The following OGDH variants were observed in gnomAD, a reference collection of about 807,000 sequenced individuals.
The protein encoded by OGDH is oxoglutarate dehydrogenase, also known as 2-oxoglutarate dehydrogenase complex component E1.
A neutral mutation model predicts 116.6 loss-of-function variants in OGDH; 38 were observed. The observed-to-expected ratio is 0.33, with a 90% CI of 0.25 to 0.43. The LOEUF is 0.43. Among genes scored for constraint, OGDH ranks in the 20% least tolerant of loss-of-function variants. The pLI, the probability that OGDH is intolerant of heterozygous loss-of-function variation, is 1.00. For synonymous variants in OGDH, 488 were observed against 533.3 expected (o/e 0.92, Z 1.17); for missense variants, 825 against 1,357.2 (o/e 0.61, Z 6.16).
At position 44,654,542 on chromosome 7, in the gene OGDH, A is replaced by C. The variant is rs149517334; in HGVS notation, c.517+6783A>C. Among the ~76,000 whole-genome samples, 4 of 152,344 alleles carry C rather than the reference A, an allele frequency of 2.6e-5. No individual in the cohort carries two copies. The East Asian group carries it at 5.8e-4, about 22-fold the overall frequency. ...TTGTAATTTCAGAGTGATATAGAGCAGTTCATTTAGTAAGCATTGATTGCT... is the reference window on the plus strand; with the variant it reads ...TTGTAATTTCAGAGTGATATAGAGCCGTTCATTTAGTAAGCATTGATTGCT... On this transcript the variant is annotated intron_variant, in intron 4 of 22. Coordinates refer to ENST00000222673, the MANE Select transcript of OGDH (RefSeq NM_002541.4).
intron 1 of OGDH, among the ~76,000 whole-genome samples, chr7:44,607,163 T>A (rs1451906690): frequency 1.3e-5 from 2 of 152,222 alleles, no homozygotes; most frequent in East Asian, 1.9e-4. Context: ...TCGGAGCATC[T>A]GGCTTTGGGG....
intron 4 of OGDH, among the ~76,000 whole-genome samples, chr7:44,664,053 C>T (rs1384673529): frequency 6.6e-6 from 1 of 152,150 alleles, no homozygotes; most frequent in African/African-American, 2.4e-5. Context: ...TTCTCATTCA[C>T]TATGAGATAT....
chr7:44,635,137 G>A (rs908554426), intron 2 of OGDH, among the ~76,000 whole-genome samples: 2 of 152,196 alleles, frequency 1.3e-5, no homozygotes, highest in Non-Finnish European at 2.9e-5. Context: ...CGGGATGGGA[G>A]GCCTGCCCCT....
chr7:44,652,138 C>T (rs1482330706), intron 4 of OGDH, among the ~76,000 whole-genome samples: 4 of 147,624 alleles, frequency 2.7e-5, no homozygotes, highest in Non-Finnish European at 4.5e-5. Context: ...GATGGAGTTT[C>T]GCTCTTGTTG....
intron 2 of OGDH, among the ~76,000 whole-genome samples, chr7:44,635,881 T>G (rs1304435877): frequency 6.6e-6 from 1 of 151,998 alleles, no homozygotes; most frequent in Non-Finnish European, 1.5e-5. Context: ...ATTTTTGTAT[T>G]TTTAGTAGAG....
At chr7:44,611,691 G>A (rs532477194) in intron 1 of OGDH, among the ~76,000 whole-genome samples, 31 of 152,128 alleles carry the variant, frequency 2.0e-4, no homozygotes, top group Middle Eastern at 3.4e-3. Flanking sequence ...GATTACAGGC[G>A]TGAGCCACTG....
intron 5 of OGDH, 77 bp from the exon 6 acceptor site, chr7:44,673,710 G>T: frequency 6.9e-7 from 1 of 1,440,068 alleles, no homozygotes; most frequent in South Asian, 1.2e-5. Flanking sequence ...CCTTCTGGCT[G>T]AATGGGCAGT....
chr7:44,673,420 G>A (rs550345840), intron 5 of OGDH, among the ~76,000 whole-genome samples: 2 of 152,332 alleles, frequency 1.3e-5, no homozygotes, highest in East Asian at 3.9e-4. Context: ...GCTGGTACAG[G>A]TCTGACCTTG....
chr7:44,646,529 T>C (rs1295963657), intron 3 of OGDH, among the ~76,000 whole-genome samples: 2 of 152,238 alleles, frequency 1.3e-5, no homozygotes, highest in Non-Finnish European at 2.9e-5. Flanking sequence ...TAAAGTGTTA[T>C]CCATGTGGAT....
rs552903877 is a variant in OGDH, at chr7:44,692,568, G to A, written c.1336-1257G>A. On this transcript the variant is annotated intron_variant, in intron 10 of 22. Transcript: ENST00000222673. ...GTCCACTAACAAATATGGCGAAACC[G>A]TTGGGATTTGTTCATGTTAGGTGAA... Among the ~76,000 whole-genome samples the A allele has an allele frequency of 5.9e-5, 9 of 152,304 alleles. No homozygotes were observed. In the South Asian group the frequency reaches 1.0e-3, roughly 18 times the overall value.
intron 1 of OGDH, among the ~76,000 whole-genome samples, chr7:44,616,420 C>G (rs1482035314): frequency 2.0e-5 from 3 of 152,034 alleles, no homozygotes; most frequent in Non-Finnish European, 2.9e-5. Context: ...AGGTGTCAGT[C>G]CCTACCAGTG....
chr7:44,700,868 T>C (rs1788797704), intron 19 of OGDH, among the ~76,000 whole-genome samples: 1 of 151,950 alleles, frequency 6.6e-6, no homozygotes, highest in African/African-American at 2.4e-5. Flanking sequence ...ACAAAAAAAT[T>C]AGCCGGGCAT....
rs56718274 is a variant in OGDH, at chr7:44,680,539, T to TACACACACACACACACACACAC, written c.1207-1167_1207-1146dup. 3.1e-4 allele frequency among the ~76,000 whole-genome samples: 45 copies of TACACACACACACACACACACAC among 145,950 alleles called. 1 individual carries two copies. Among genetic ancestry groups the TACACACACACACACACACACAC allele is most frequent in the African/African-American group, 1.1e-3 (43 of 40,360 alleles). ...AATACAAACTCATAGTTTTATTGCA[T>TACACACACACACACACACACAC]ACACACACACACACACACACACACA... On this transcript the variant is annotated intron_variant, in intron 9 of 22. Transcript: ENST00000222673.
At chr7:44,644,914 G>C (rs1173995353) in intron 2 of OGDH, among the ~76,000 whole-genome samples, 4 of 152,190 alleles carry the variant, frequency 2.6e-5, no homozygotes, top group Admixed American at 2.0e-4. Context: ...AGAAGGTCAA[G>C]AGATCACCTC....
Position 44,675,978 on chromosome 7 carries a change from A to C in OGDH, c.1035A>C (p.Gly345=). The change falls in exon 9 of 23, where the codon GGA becomes GGC. Residue 345 remains glycine, a synonymous_variant. Coordinates refer to ENST00000222673, the MANE Select transcript of OGDH (RefSeq NM_002541.4). ...SKLEAADEGS[G]DVKYHLGMYH... Reference sequence around the variant, plus strand: ...ACTGTTTACCCCATCAGGGCTCCGGAGATGTGAAGTACCACCTGGGCATGT... The same window carrying C: ...ACTGTTTACCCCATCAGGGCTCCGGCGATGTGAAGTACCACCTGGGCATGT... 1.2e-6 allele frequency: 2 copies of C among 1,613,782 alleles called. No homozygotes were observed. The highest frequency in any genetic ancestry group is 1.7e-6 in the Non-Finnish European group (2 of 1,179,834).
chr7:44,641,251 G>T (rs1264594402), intron 2 of OGDH, among the ~76,000 whole-genome samples: 1 of 133,550 alleles, frequency 7.5e-6, no homozygotes, highest in Admixed American at 7.8e-5. Context: ...TTGGAAACAG[G>T]GTGTCACTCT....
At chr7:44,644,659 C>G (rs1786090724) in intron 2 of OGDH, among the ~76,000 whole-genome samples, 2 of 152,180 alleles carry the variant, frequency 1.3e-5, no homozygotes. Context: ...ATCTCTGACC[C>G]CACACTTTGA....
chr7:44,620,240 C>T (rs1176004487), intron 1 of OGDH, among the ~76,000 whole-genome samples: 5 of 152,334 alleles, frequency 3.3e-5, no homozygotes, highest in East Asian at 3.9e-4. Flanking sequence ...AGGCTGGTCT[C>T]GAACCCCTGA....
Position 44,697,546 on chromosome 7 carries a change from G to T in OGDH, c.2179+49G>T, listed in dbSNP as rs369464729. 4 of 1,613,390 alleles carry T rather than the reference G, an allele frequency of 2.5e-6. No individual in the cohort carries two copies. The African/African-American group carries it at 4.0e-5, about 16-fold the overall frequency. On this transcript the variant is annotated intron_variant, in intron 16 of 22. Transcript: ENST00000222673. The surrounding 1 kb of genome is among the most constrained non-coding windows in gnomAD (Gnocchi z 6.0). ...CAGGGCCTGTCACCCACCCACCCCC[G>T]CTGGGCCTACTGGCTGGTGTCCTGG...
Sources: allele counts gnomAD v4.1 joint callset (sites outside exome capture counted in the v4.1 genomes callset), GRCh38; gene constraint gnomAD v4.1.1; non-coding constraint Gnocchi (gnomAD v3.1); transcripts MANE v1.5; gene names NCBI Gene and HGNC (gene_info 2026-07-23, HGNC 2026-07-21).